Variants in ATP8A2 observed in about 807,000 individuals in gnomAD.
The protein encoded by ATP8A2 is ATPase phospholipid transporting 8A2.
In ATP8A2, 100 loss-of-function variants were observed where a neutral mutation model predicts 165.6. That is an observed-to-expected ratio of 0.60 (90% CI 0.51 to 0.71). ATP8A2 has a LOEUF of 0.71. ATP8A2 is among the 30% of genes least tolerant of loss of function. ATP8A2 has a pLI of 0.00. For missense variants in ATP8A2, 1,227 were observed against 1,479.5 expected, an observed-to-expected ratio of 0.83 and a Z score of 2.80; for synonymous variants, 543 against 548.8, an observed-to-expected ratio of 0.99 and a Z score of 0.15.
chr13:25,720,387 C>T (rs2043352868), intron 25 of ATP8A2, among the ~76,000 whole-genome samples: 1 of 152,054 alleles, frequency 6.6e-6, no homozygotes, highest in African/African-American at 2.4e-5. Context: ...TGGTCTCAAT[C>T]TCCTGACCTT....
chr13:25,407,413 C>G (rs2033836567), intron 1 of ATP8A2, among the ~76,000 whole-genome samples: 2 of 152,214 alleles, frequency 1.3e-5, no homozygotes, highest in Admixed American at 1.3e-4. Context: ...AAAAACCAAA[C>G]TCTTCCAACT....
intron 25 of ATP8A2, among the ~76,000 whole-genome samples, chr13:25,710,950 A>G (rs1179613686): frequency 7.0e-6 from 1 of 143,394 alleles, no homozygotes; most frequent in Non-Finnish European, 1.6e-5. Flanking sequence ...CTCTTATTTT[A>G]TAGGTTAGCG....
intron 1 of ATP8A2, among the ~76,000 whole-genome samples, chr13:25,422,480 T>G (rs2034328753): frequency 6.6e-6 from 1 of 152,214 alleles, no homozygotes; most frequent in Non-Finnish European, 1.5e-5. Flanking sequence ...TCAATAAACA[T>G]CCTTGCCTTC....
intron 10 of ATP8A2, among the ~76,000 whole-genome samples, chr13:25,549,201 T>A (rs2038743442): frequency 6.6e-6 from 1 of 152,138 alleles, no homozygotes; most frequent in Non-Finnish European, 1.5e-5. Context: ...GGCTCATGCC[T>A]GTAATCCCAC....
At chr13:25,816,319 C>T (rs1347666803) in intron 27 of ATP8A2, among the ~76,000 whole-genome samples, 7 of 152,214 alleles carry the variant, frequency 4.6e-5, no homozygotes, top group Admixed American at 1.3e-4. Flanking sequence ...GTGTCCTTCA[C>T]GGTCTGAATC....
chr13:25,723,324 T>A (rs2043421564), intron 25 of ATP8A2, among the ~76,000 whole-genome samples: 1 of 152,236 alleles, frequency 6.6e-6, no homozygotes, highest in South Asian at 2.1e-4. Context: ...GTATTTTCAA[T>A]TTATTTTAAT....
intron 24 of ATP8A2, among the ~76,000 whole-genome samples, chr13:25,658,568 G>A (rs1231152652): frequency 6.6e-6 from 1 of 152,186 alleles, no homozygotes; most frequent in African/African-American, 2.4e-5. Flanking sequence ...GAACCTGAGA[G>A]GCAGAGGTTG....
At chr13:25,520,185 C>A (rs184669723) in intron 2 of ATP8A2, among the ~76,000 whole-genome samples, 1 of 152,302 alleles carries the variant, frequency 6.6e-6, no homozygotes, top group African/African-American at 2.4e-5. Flanking sequence ...TGCTACCCCT[C>A]CTAGCCTCTG....
At chr13:25,653,833 A>G (rs58742814) in intron 24 of ATP8A2, among the ~76,000 whole-genome samples, 7,453 of 152,220 alleles carry the variant, frequency 0.049, 320 homozygotes, top group East Asian at 0.13. Flanking sequence ...GAGGATAAGC[A>G]TATGAGCTAA....
chr13:26,004,755 TG>T (rs1956707145), intron 35 of ATP8A2, among the ~76,000 whole-genome samples: 3 of 152,120 alleles, frequency 2.0e-5, no homozygotes, highest in Non-Finnish European at 4.4e-5. Context: ...GATGATCATA[TG>T]GTTTTTATAT....
At chr13:25,974,354 T>C (rs1425114589) in intron 35 of ATP8A2, among the ~76,000 whole-genome samples, 1 of 152,218 alleles carries the variant, frequency 6.6e-6, no homozygotes, top group Non-Finnish European at 1.5e-5. Flanking sequence ...TGCAGCAGGC[T>C]CTCCGAGTTG....
In ATP8A2 at chr13:25,530,113, A is replaced by C; in HGVS notation, c.321+15A>C. ...CCTTATTACAGGTAATGGTTTTTTA[A>C]CAGTTCCTTGGAATTCACTTAATTA... On this transcript the variant is annotated intron_variant, in intron 3 of 36. Coordinates refer to ENST00000381655, the MANE Select transcript of ATP8A2 (RefSeq NM_016529.6). 1 of 1,496,504 alleles carries C rather than the reference A, an allele frequency of 6.7e-7. No individual in the cohort carries two copies. The highest frequency in any genetic ancestry group is 9.3e-7 in the Non-Finnish European group (1 of 1,078,468). 92.7% of individuals were successfully genotyped at this position (1,496,504 alleles called of 1,614,324 possible).
intron 30 of ATP8A2, among the ~76,000 whole-genome samples, chr13:25,841,858 C>G (rs1951752191): frequency 6.6e-6 from 1 of 152,192 alleles, no homozygotes; most frequent in African/African-American, 2.4e-5. Flanking sequence ...GGTCAGGGAG[C>G]TGGCTTCTTG....
At chr13:25,448,963 C>G (rs917181742) in intron 1 of ATP8A2, among the ~76,000 whole-genome samples, 9 of 152,162 alleles carry the variant, frequency 5.9e-5, no homozygotes, top group Admixed American at 2.6e-4. Context: ...CCGTGCCCAG[C>G]CAATAAAGTT....
chr13:25,506,961 A>ATATATATATATC (rs569215571), intron 2 of ATP8A2, among the ~76,000 whole-genome samples: 72 of 145,270 alleles, frequency 5.0e-4, no homozygotes, highest in Non-Finnish European at 9.2e-4. Context: ...ATATATATAT[A>ATATATATATATC]TCTTATTTTA....
intron 26 of ATP8A2, among the ~76,000 whole-genome samples, chr13:25,772,312 G>C (rs986828389): frequency 1.3e-5 from 2 of 151,990 alleles, no homozygotes; most frequent in Admixed American, 6.5e-5. Flanking sequence ...ACAAATCACT[G>C]TAGTGCTCAA....
chr13:25,547,251 A>G (rs112269677), intron 10 of ATP8A2, among the ~76,000 whole-genome samples: 4,105 of 152,126 alleles, frequency 0.027, 104 homozygotes, highest in African/African-American at 0.06. Flanking sequence ...ACAGACTGGT[A>G]CCAGTCTGTG....
chr13:25,968,899 T>G, intron 35 of ATP8A2, among the ~76,000 whole-genome samples: 1 of 151,580 alleles, frequency 6.6e-6, no homozygotes, highest in East Asian at 1.9e-4. Flanking sequence ...TTTTATTGGG[T>G]TTAGAAGTGA....
At chr13:25,848,918 A>C (rs554881038) in intron 30 of ATP8A2, among the ~76,000 whole-genome samples, 4 of 151,938 alleles carry the variant, frequency 2.6e-5, no homozygotes, top group Non-Finnish European at 1.5e-5. Flanking sequence ...GTTGGAATAT[A>C]TCTTCACTCT....
Sources: gnomAD v4.1 joint callset for allele counts (sites outside exome capture counted in the v4.1 genomes callset) on GRCh38, gnomAD v4.1.1 for gene constraint, MANE v1.5 for transcripts, NCBI Gene and HGNC (gene_info 2026-07-23, HGNC 2026-07-21) for gene names.